Variants in PRIM2 observed in about 807,000 individuals in gnomAD.
PRIM2 encodes DNA primase large subunit.
A neutral mutation model predicts 67.3 loss-of-function variants in PRIM2; 39 were observed. The ratio of observed to expected loss-of-function variants is 0.58; its 90% CI spans 0.45 to 0.76. The LOEUF (loss-of-function observed/expected upper bound fraction) is 0.76, where lower values mean the gene tolerates loss of function less well. PRIM2 is among the 30% of genes least tolerant of loss of function. The pLI is 0.00. For synonymous variants in PRIM2, 143 were observed against 198.7 expected (o/e 0.72, Z 2.36); for missense variants, 398 against 598.7 (o/e 0.66, Z 3.50).
chr6:57,427,259 A>C (rs1411795651), intron 7 of PRIM2, among the ~76,000 whole-genome samples: 15 of 152,196 alleles, frequency 9.9e-5, no homozygotes, highest in Non-Finnish European at 2.1e-4. Flanking sequence ...TTTGTTAAAA[A>C]CTATTAGCTA....
At chr6:57,441,003 G>A (rs1311714780) in intron 7 of PRIM2, among the ~76,000 whole-genome samples, 4 of 152,090 alleles carry the variant, frequency 2.6e-5, no homozygotes. Flanking sequence ...CTCTGACTTA[G>A]CAACTGTGAA....
chr6:57,569,254 A>G (rs1160506922), intron 10 of PRIM2, among the ~76,000 whole-genome samples: 16 of 152,218 alleles, frequency 1.1e-4, no homozygotes, highest in Non-Finnish European at 1.9e-4. Flanking sequence ...CTGAGCACAT[A>G]TAGGCACTCT....
intron 8 of PRIM2, among the ~76,000 whole-genome samples, chr6:57,516,647 A>G (rs1437460512): frequency 6.6e-6 from 1 of 152,200 alleles, no homozygotes; most frequent in Non-Finnish European, 1.5e-5. Flanking sequence ...TAATGAGGTT[A>G]CATTATAGTG....
At chr6:57,578,820 G>A (rs1205932618) in intron 10 of PRIM2, among the ~76,000 whole-genome samples, 3 of 151,434 alleles carry the variant, frequency 2.0e-5, no homozygotes, top group Admixed American at 1.3e-4. Flanking sequence ...GGGACTACAG[G>A]CGCCCGCTAC....
chr6:57,410,247 C>T (rs1290426609), intron 7 of PRIM2, among the ~76,000 whole-genome samples: 4 of 148,760 alleles, frequency 2.7e-5, no homozygotes, highest in Admixed American at 6.8e-5. Flanking sequence ...TTGCTTGAAT[C>T]TGGGAGGCAG....
intron 7 of PRIM2, among the ~76,000 whole-genome samples, chr6:57,393,000 T>TATA (rs1770404968): frequency 6.7e-6 from 1 of 150,080 alleles, no homozygotes; most frequent in East Asian, 2.0e-4. Flanking sequence ...GTATTCCTTA[T>TATA]TATATATATA....
chr6:57,492,604 C>T (rs1773922998), intron 7 of PRIM2, among the ~76,000 whole-genome samples: 1 of 151,782 alleles, frequency 6.6e-6, no homozygotes, highest in African/African-American at 2.4e-5. Context: ...TTTGATTTAA[C>T]CCAATATATT....
At chr6:57,364,245 T>C (rs1243721052) in intron 5 of PRIM2, among the ~76,000 whole-genome samples, 1 of 152,212 alleles carries the variant, frequency 6.6e-6, no homozygotes, top group Admixed American at 6.5e-5. Context: ...TGTGATTGTC[T>C]TTCACCCATG....
At chr6:57,411,768 A>C (rs1445056350) in intron 7 of PRIM2, among the ~76,000 whole-genome samples, 2 of 152,036 alleles carry the variant, frequency 1.3e-5, no homozygotes, top group African/African-American at 4.8e-5. Context: ...GTTGATCTAG[A>C]CTTTTCCTTT....
intron 10 of PRIM2, among the ~76,000 whole-genome samples, chr6:57,567,592 G>A (rs1775768149): frequency 6.6e-6 from 1 of 152,172 alleles, no homozygotes; most frequent in South Asian, 2.1e-4. Context: ...CCCAAGTGCA[G>A]TAGGAAAAGC....
At chr6:57,571,897 G>A (rs1472481812) in intron 10 of PRIM2, among the ~76,000 whole-genome samples, 5 of 152,186 alleles carry the variant, frequency 3.3e-5, no homozygotes, top group African/African-American at 9.7e-5. Flanking sequence ...TCAAGGTGGA[G>A]CTGTCTTGAT....
chr6:57,353,898 G>A (rs1334588272), intron 5 of PRIM2, among the ~76,000 whole-genome samples: 1 of 152,124 alleles, frequency 6.6e-6, no homozygotes, highest in Non-Finnish European at 1.5e-5. Context: ...TTAGCTAATA[G>A]GGGTGCTTCG....
At chr6:57,497,442 CT>C (rs1774029412) in intron 7 of PRIM2, 2 of 152,188 alleles carry the variant, frequency 1.3e-5, no homozygotes, top group Non-Finnish European at 2.9e-5. Context: ...TAACAAGCTT[CT>C]TTTCACACCA....
In PRIM2 at chr6:57,415,903, G is replaced by T. The variant is rs531046620; in HGVS notation, c.693+33735G>T. 7.9e-5 allele frequency among the ~76,000 whole-genome samples: 12 copies of T among 152,216 alleles called. No individual in the cohort carries two copies. In the East Asian group the frequency reaches 2.3e-3, roughly 29 times the overall value. Reference sequence around the variant, plus strand: ...CCACTTCTAATTCGAGTTCTCTTGTGATTTCCACCACATTTGCAGTGAACT... The same window carrying T: ...CCACTTCTAATTCGAGTTCTCTTGTTATTTCCACCACATTTGCAGTGAACT... On this transcript the variant is annotated intron_variant, in intron 7 of 13. Coordinates refer to ENST00000615550, the MANE Select transcript of PRIM2 (RefSeq NM_000947.5).
chr6:57,528,826 G>A (rs1307437315), intron 8 of PRIM2, among the ~76,000 whole-genome samples: 1 of 152,188 alleles, frequency 6.6e-6, no homozygotes, highest in Non-Finnish European at 1.5e-5. Flanking sequence ...GGTCAAGACT[G>A]CAATTGCTGT....
intron 7 of PRIM2, chr6:57,505,042 A>C (rs1260455466): frequency 6.6e-6 from 1 of 152,208 alleles, no homozygotes; most frequent in Non-Finnish European, 1.5e-5. Context: ...TAGCTCAGAG[A>C]AAAATTTCAG....
intron 7 of PRIM2, among the ~76,000 whole-genome samples, chr6:57,442,555 T>C (rs1328519271): frequency 6.6e-6 from 1 of 152,100 alleles, no homozygotes; most frequent in Non-Finnish European, 1.5e-5. Flanking sequence ...GAGGCAAACT[T>C]GCTGCAGCAC....
intron 7 of PRIM2, among the ~76,000 whole-genome samples, chr6:57,405,013 CT>C (rs139736758): frequency 1.1e-4 from 14 of 129,916 alleles, no homozygotes; most frequent in Non-Finnish European, 1.0e-4. Flanking sequence ...ATTATTTATC[CT>C]TTTTTTTTTC....
chr6:57,511,900 A>T (rs1774379383), intron 8 of PRIM2, among the ~76,000 whole-genome samples: 13 of 152,206 alleles, frequency 8.5e-5, no homozygotes, highest in Non-Finnish European at 4.4e-5. Context: ...GGTTTACATC[A>T]GGGAGACATT....
Sources: gnomAD v4.1 joint callset for allele counts (sites outside exome capture counted in the v4.1 genomes callset) on GRCh38, gnomAD v4.1.1 for gene constraint, MANE v1.5 for transcripts, NCBI Gene and HGNC (gene_info 2026-07-23, HGNC 2026-07-21) for gene names.